Variants in TMEM80 observed in about 807,000 individuals in gnomAD.
TMEM80 encodes transmembrane protein 80.
In TMEM80, 16 loss-of-function variants were observed where a neutral mutation model predicts 13.6. That is an observed-to-expected ratio of 1.17 (90% CI 0.79 to 1.78). The LOEUF is 1.78. TMEM80 is among the 40% of genes most tolerant of loss of function. The probability of loss-of-function intolerance (pLI) is 0.00; values close to 1 mark genes in which losing one functional copy is unlikely to be tolerated. For synonymous variants in TMEM80, 92 were observed against 89.5 expected, an observed-to-expected ratio of 1.03 and a Z score of -0.16; for missense variants, 167 against 184.6, an observed-to-expected ratio of 0.90 and a Z score of 0.55.
At chr11:700,287 G>C in intron 3 of TMEM80, 52 bp downstream of exon 3, 1 of 1,528,394 alleles carries the variant, frequency 6.5e-7, no homozygotes, top group South Asian at 1.1e-5. Context: ...AACATTTTGG[G>C]AGGCTGAGGT....
At chr11:695,685 C>T, upstream of TMEM80, 1 of 1,243,986 alleles carries the variant, frequency 8.0e-7, no homozygotes, top group South Asian at 3.8e-5. Context: ...AATCGGGCCT[C>T]GGCCGTGGCT....
At position 698,740 on chromosome 11, in the gene TMEM80, T is replaced by A. The variant is rs1488168670; in HGVS notation, c.20-129T>A. The A allele has an allele frequency of 3.6e-6, 4 of 1,118,768 alleles. No individual in the cohort carries two copies. In the East Asian group the frequency reaches 9.4e-5, roughly 26 times the overall value. 69.3% of individuals were successfully genotyped at this position (1,118,768 alleles called of 1,614,324 possible). On this transcript the variant is annotated intron_variant, in intron 1 of 4. Coordinates refer to ENST00000397510, the MANE Select transcript of TMEM80 (RefSeq NM_001042463.3). Reference sequence around the variant, plus strand: ...TCTAGTGGCAGGCCCACGGTATATGTTTGCTGCTTTCTACAAATACGAGAT... The same window carrying A: ...TCTAGTGGCAGGCCCACGGTATATGATTGCTGCTTTCTACAAATACGAGAT...
At chr11:699,815 A>G in intron 2 of TMEM80, 1 of 282,898 alleles carries the variant, frequency 3.5e-6, no homozygotes, top group Non-Finnish European at 6.6e-6. Flanking sequence ...GGCCAAAGGC[A>G]GGGTGACATC....
Position 703,269 on chromosome 11 carries a change from T to A in TMEM80, c.*119T>A. 1 of 1,445,986 alleles carries A rather than the reference T, an allele frequency of 6.9e-7. No homozygotes were observed. Among genetic ancestry groups the A allele is most frequent in the Non-Finnish European group, 9.1e-7 (1 of 1,093,810 alleles). The allele number at this position is 1,445,986 out of a possible 1,614,324, so 89.6% of individuals were successfully genotyped here. Reference sequence around the variant, plus strand: ...ACTTTTCCTAGTGACTGGCCATAGATGGTTTTGGATGGTTCCATCTGTTCT... The same window carrying A: ...ACTTTTCCTAGTGACTGGCCATAGAAGGTTTTGGATGGTTCCATCTGTTCT... On this transcript the variant is annotated 3_prime_UTR_variant, in exon 5 of 5. Transcript: ENST00000397510.
chr11:698,508 G>A (rs1275694759), intron 1 of TMEM80, among the ~76,000 whole-genome samples: 2 of 152,194 alleles, frequency 1.3e-5, no homozygotes, highest in African/African-American at 4.8e-5. Context: ...TGGCAAATAC[G>A]GAGAAGCCAC....
At chr11:705,010 G>T, downstream of TMEM80, 7 of 246,260 alleles carry the variant, frequency 2.8e-5, no homozygotes, top group South Asian at 3.2e-4. Flanking sequence ...GAGATCAAAC[G>T]GCAAAGGCTG....
rs1002502587 is a variant in TMEM80, at chr11:703,533, T to C, written c.*383T>C. On this transcript the variant is annotated 3_prime_UTR_variant, in exon 5 of 5. Transcript: ENST00000397510. ...AGAACAGAGGCCTCATCTCACTGCA[T>C]CCCCCATCACCCCCTAGTTCCCCAA... The C allele has an allele frequency of 1.9e-5, 23 of 1,234,844 alleles. No homozygotes were observed. The highest frequency in any genetic ancestry group is 2.3e-5 in the Non-Finnish European group (23 of 990,250). The allele number at this position is 1,234,844 out of a possible 1,614,324, so 76.5% of individuals were successfully genotyped here.
chr11:704,159 C>A, downstream of TMEM80: 1 of 1,100,290 alleles, frequency 9.1e-7, no homozygotes, highest in Non-Finnish European at 1.1e-6. Context: ...CTCCCCCACC[C>A]CATCTCCAGT....
chr11:700,591 T>A, intron 3 of TMEM80, 24 bp from the exon 4 acceptor site: 1 of 1,602,706 alleles, frequency 6.2e-7, no homozygotes, highest in East Asian at 2.2e-5. Flanking sequence ...TTACTTATGT[T>A]CCGTCCGCGC....
chr11:701,396 G>A (rs1261853342), intron 4 of TMEM80, among the ~76,000 whole-genome samples: 2 of 140,274 alleles, frequency 1.4e-5, no homozygotes, highest in Non-Finnish European at 3.0e-5. Flanking sequence ...GTAGAGACGA[G>A]ACAAGGTTTC....
chr11:704,774 A>G, downstream of TMEM80: 2 of 665,808 alleles, frequency 3.0e-6, no homozygotes, highest in East Asian at 1.3e-4. Context: ...CTGTCTCCTG[A>G]GGGCAGGCTC....
At chr11:704,655 GAT>G, downstream of TMEM80, 1 of 1,288,582 alleles carries the variant, frequency 7.8e-7, no homozygotes, top group South Asian at 1.2e-5. Context: ...AATGGATCCT[GAT>G]ACCTCCAGTC....
chr11:700,958 C>T, intron 4 of TMEM80: 1 of 538,890 alleles, frequency 1.9e-6, no homozygotes, highest in Non-Finnish European at 3.3e-6. Context: ...CTTGTAGAAG[C>T]CACTGGGTAA....
At chr11:701,379 T>C (rs1861462581) in intron 4 of TMEM80, among the ~76,000 whole-genome samples, 1 of 150,082 alleles carries the variant, frequency 6.7e-6, no homozygotes, top group African/African-American at 2.5e-5. Context: ...TGTTTTGTTT[T>C]TTTTTGGTAG....
downstream of TMEM80, chr11:704,904 G>GT: frequency 2.8e-6 from 1 of 355,320 alleles, no homozygotes; most frequent in Non-Finnish European, 5.5e-6. Flanking sequence ...TCCAGGAAGG[G>GT]TGAGGGCACG....
Position 703,501 on chromosome 11 carries a change from G to A in TMEM80, c.*351G>A. ...CCCCAGGGCCGAGAGGGAGGACAGA[G>A]CCCTTCAGAACAGAGGCCTCATCTC... On this transcript the variant is annotated 3_prime_UTR_variant, in exon 5 of 5. Coordinates refer to ENST00000397510, the MANE Select transcript of TMEM80 (RefSeq NM_001042463.3). 8.0e-7 allele frequency: 1 copy of A among 1,254,094 alleles called. No individual in the cohort carries two copies. The highest frequency in any genetic ancestry group is 1.5e-5 in the African/African-American group (1 of 65,038). The allele number at this position is 1,254,094 out of a possible 1,614,324, so 77.7% of individuals were successfully genotyped here. A position where few individuals can be genotyped will look rare whatever the true frequency, so the allele number is the denominator to read the frequency against.
At position 701,585 on chromosome 11, in the gene TMEM80, AT is replaced by A. The variant is rs528494781; in HGVS notation, c.226+883del. Reference sequence around the variant, plus strand: ...GCCACCACGCCCGGCTCATTTTTGTATTTTTAGTAGAGATGGGGTTTCACCA... The same window carrying A: ...GCCACCACGCCCGGCTCATTTTTGTATTTTAGTAGAGATGGGGTTTCACCA... On this transcript the variant is annotated intron_variant, in intron 4 of 4. Transcript: ENST00000397510. 2.0e-4 allele frequency among the ~76,000 whole-genome samples: 31 copies of A among 151,528 alleles called. No homozygotes were observed. The South Asian group carries it at 5.8e-3, about 29-fold the overall frequency.
downstream of TMEM80, chr11:704,399 G>T (rs545624956): frequency 8.1e-7 from 1 of 1,239,676 alleles, no homozygotes; most frequent in East Asian, 5.6e-5. Context: ...GGAGCACCCA[G>T]TTGTCCTGGG....
chr11:699,801 C>G (rs918707618), intron 2 of TMEM80: 1 of 250,578 alleles, frequency 4.0e-6, no homozygotes, highest in African/African-American at 2.2e-5. Flanking sequence ...TAACTCATAA[C>G]TGGGGCCAAA....
Sources: gnomAD v4.1 joint callset for allele counts (sites outside exome capture counted in the v4.1 genomes callset) on GRCh38, gnomAD v4.1.1 for gene constraint, MANE v1.5 for transcripts, NCBI Gene and HGNC (gene_info 2026-07-23, HGNC 2026-07-21) for gene names.